CUX1: variants seen among roughly 807,000 people sequenced by gnomAD.
CUX1 encodes the protein protein CASP.
CUX1 carries 31 observed loss-of-function variants against 158.8 expected under a neutral mutation model. The observed-to-expected ratio is 0.20, with a 90% confidence interval of 0.15 to 0.26. The LOEUF is 0.26. Among genes scored for constraint, CUX1 ranks in the 10% least tolerant of loss-of-function variants. CUX1 has a pLI of 1.00. For missense variants in CUX1, 1,589 were observed against 2,014.6 expected (o/e 0.79, Z 4.04); for synonymous variants, 879 against 862.1 (o/e 1.02, Z -0.34).
chr7:102,179,692 G>A (rs1792812235), intron 11 of CUX1, among the ~76,000 whole-genome samples: 1 of 152,242 alleles, frequency 6.6e-6, no homozygotes, highest in African/African-American at 2.4e-5. Context: ...GTAATTTGAA[G>A]AGGGTCCTGG....
intron 16 of CUX1, chr7:102,275,199 G>A (rs1791521258): frequency 2.8e-6 from 4 of 1,438,962 alleles, no homozygotes; most frequent in South Asian, 1.2e-5. Context: ...GCCGCCTGCT[G>A]GGTTCCACCT....
intron 18 of CUX1, among the ~76,000 whole-genome samples, chr7:102,203,383 C>T (rs1397887091): frequency 2.0e-5 from 3 of 152,208 alleles, no homozygotes; most frequent in South Asian, 2.1e-4. Flanking sequence ...GCGCCGTCCC[C>T]GCACTCCCCA....
At chr7:101,821,027 A>T (rs1318574943) in intron 1 of CUX1, among the ~76,000 whole-genome samples, 1 of 152,216 alleles carries the variant, frequency 6.6e-6, no homozygotes, top group African/African-American at 2.4e-5. Context: ...GAATGCCTGG[A>T]TGCCGAGAGA....
At chr7:102,236,608 A>G (rs985195504) in intron 22 of CUX1, among the ~76,000 whole-genome samples, 17 of 152,120 alleles carry the variant, frequency 1.1e-4, no homozygotes, top group African/African-American at 3.9e-4. Context: ...AATCTCCAAC[A>G]TAAACAAAAG....
rs115385222 is a variant in CUX1, at chr7:101,903,668, C to T, written c.31-12447C>T. On this transcript the variant is annotated intron_variant, in intron 1 of 23. Transcript: ENST00000292535. ...ACAGAGCCGGCCACGTGGCCTGCCC[C>T]GGCACCTGCTCCGCCTTACATGTCA... Among the ~76,000 whole-genome samples, 820 of 152,286 alleles carry T rather than the reference C, an allele frequency of 5.4e-3. 5 individuals carry two copies. The highest frequency in any genetic ancestry group is 0.018 in the African/African-American group (730 of 41,562).
intron 4 of CUX1, among the ~76,000 whole-genome samples, chr7:102,077,514 A>C (rs1263068004): frequency 6.2e-5 from 8 of 129,044 alleles, no homozygotes; most frequent in Admixed American, 9.4e-5. Flanking sequence ...ACATAGCAAA[A>C]CCCCCCATCT....
chr7:102,111,568 C>A, intron 6 of CUX1, 130 bp from the exon 7 acceptor site: 1 of 758,996 alleles, frequency 1.3e-6, no homozygotes, highest in Non-Finnish European at 2.3e-6. Flanking sequence ...CGTGTCGTTG[C>A]GGGCGATACC....
At chr7:102,145,131 GA>G (rs1554501662) in intron 8 of CUX1, among the ~76,000 whole-genome samples, 3 of 149,838 alleles carry the variant, frequency 2.0e-5, no homozygotes, top group Non-Finnish European at 3.0e-5. Flanking sequence ...ATTCAAGTAA[GA>G]TCCACACGTT....
chr7:102,282,088 C>T (rs752106028), intron 21 of CUX1, among the ~76,000 whole-genome samples: 6 of 152,080 alleles, frequency 3.9e-5, no homozygotes, highest in Admixed American at 3.3e-4. Flanking sequence ...ACCCCAGGGA[C>T]GAGAAGGACC....
At chr7:102,143,459 G>A (rs1359992976) in intron 8 of CUX1, among the ~76,000 whole-genome samples, 1 of 152,098 alleles carries the variant, frequency 6.6e-6, no homozygotes, top group African/African-American at 2.4e-5. Context: ...GTTTTGTAGA[G>A]ACGGAGCTTC....
intron 8 of CUX1, among the ~76,000 whole-genome samples, chr7:102,134,893 G>C (rs1342089155): frequency 6.6e-6 from 1 of 152,146 alleles, no homozygotes; most frequent in Non-Finnish European, 1.5e-5. Context: ...ACAGCGCCAG[G>C]TCCCTATTTA....
intron 1 of CUX1, among the ~76,000 whole-genome samples, chr7:101,858,217 T>C (rs1341539884): frequency 2.6e-5 from 4 of 152,222 alleles, no homozygotes; most frequent in African/African-American, 7.2e-5. Context: ...AGTATGTAGA[T>C]TCCTTAAGAA....
At chr7:102,068,687 C>T (rs1020901110) in intron 3 of CUX1, among the ~76,000 whole-genome samples, 2 of 152,148 alleles carry the variant, frequency 1.3e-5, no homozygotes, top group African/African-American at 2.4e-5. Context: ...GTAATTAAAC[C>T]GCATCCTTTG....
At chr7:102,176,601 C>T (rs371995476) in intron 10 of CUX1, among the ~76,000 whole-genome samples, 58 of 119,260 alleles carry the variant, frequency 4.9e-4, no homozygotes, top group African/African-American at 1.7e-3. Flanking sequence ...GACACAGAGT[C>T]GCTCTGTCAC....
At chr7:102,089,285 T>C (rs1554481528) in intron 4 of CUX1, among the ~76,000 whole-genome samples, 3 of 152,234 alleles carry the variant, frequency 2.0e-5, no homozygotes, top group Admixed American at 1.3e-4. Flanking sequence ...CCATTATCTC[T>C]TGTCATTTCT....
chr7:102,238,199 A>AGGGATACTCCCTTTCCC (rs558420917), intron 22 of CUX1, among the ~76,000 whole-genome samples: 30 of 152,098 alleles, frequency 2.0e-4, no homozygotes, highest in African/African-American at 5.1e-4. Context: ...CCCCGGGGAA[A>AGGGATACTCCCTTTCCC]GGGATACTCC....
chr7:102,239,207 G>T, intron 22 of CUX1, 113 bp from the exon 23 acceptor site: 1 of 1,247,598 alleles, frequency 8.0e-7, no homozygotes, highest in South Asian at 1.6e-5. Context: ...GTTTTGAGAT[G>T]CTCTATGCAA....
intron 20 of CUX1, among the ~76,000 whole-genome samples, chr7:102,225,260 G>A (rs782679048): frequency 2.0e-5 from 3 of 152,156 alleles, no homozygotes; most frequent in African/African-American, 4.8e-5. Flanking sequence ...ATGCGATGGC[G>A]GAAGTTTGTG....
At chr7:101,881,615 G>GT (rs1303525444) in intron 1 of CUX1, among the ~76,000 whole-genome samples, 4 of 152,190 alleles carry the variant, frequency 2.6e-5, no homozygotes, top group Non-Finnish European at 1.5e-5. Context: ...AAATTACATG[G>GT]TATTTGGGAA....
Sources: gnomAD v4.1 joint callset for allele counts (sites outside exome capture counted in the v4.1 genomes callset) on GRCh38, gnomAD v4.1.1 for gene constraint, MANE v1.5 for transcripts, NCBI Gene and HGNC (gene_info 2026-07-23, HGNC 2026-07-21) for gene names.